Variants in CPVL observed in about 807,000 individuals in gnomAD.
The protein encoded by CPVL is probable serine carboxypeptidase CPVL.
A neutral mutation model predicts 63.7 loss-of-function variants in CPVL; 51 were observed. That is an observed-to-expected ratio of 0.80 (90% CI 0.64 to 1.01). The LOEUF (loss-of-function observed/expected upper bound fraction) is 1.01, where lower values mean the gene tolerates loss of function less well. CPVL is among the 50% of genes least tolerant of loss of function. The pLI is 0.00. For missense variants in CPVL, 530 were observed against 573.1 expected (o/e 0.92, Z 0.77); for synonymous variants, 195 against 206.0 (o/e 0.95, Z 0.46).
chr7:29,143,869 T>C (rs1399092564), intron 1 of CPVL, among the ~76,000 whole-genome samples: 1 of 152,204 alleles, frequency 6.6e-6, no homozygotes, highest in Non-Finnish European at 1.5e-5. Context: ...TGAAAGCATG[T>C]GATTTCATGT....
At chr7:29,017,050 TA>T (rs912575673) in intron 12 of CPVL, among the ~76,000 whole-genome samples, 18 of 152,168 alleles carry the variant, frequency 1.2e-4, no homozygotes, top group African/African-American at 3.6e-4. Context: ...CCCCACTGCT[TA>T]AACAATGGAA....
chr7:29,088,900 G>C (rs1200579703), intron 6 of CPVL, among the ~76,000 whole-genome samples: 1 of 152,080 alleles, frequency 6.6e-6, no homozygotes, highest in African/African-American at 2.4e-5. Flanking sequence ...GCTTGAACCT[G>C]GGAGGCAGAG....
rs553168492 is a variant in CPVL, at chr7:29,128,851, T to C, written c.-10-7780A>G. ...TCTGAGACTGAGAGGGAGCCAGCCT[T>C]GAGGAAACAGTACAAAAGCCCTGCA... On this transcript the variant is annotated intron_variant, in intron 1 of 12. Coordinates refer to ENST00000265394, the MANE Select transcript of CPVL (RefSeq NM_031311.5). Among the ~76,000 whole-genome samples, 9 of 152,034 alleles carry C rather than the reference T, an allele frequency of 5.9e-5. No homozygotes were observed. The South Asian group carries it at 1.7e-3, about 28-fold the overall frequency.
intron 5 of CPVL, among the ~76,000 whole-genome samples, chr7:29,176,595 C>G (rs1223328815): frequency 6.6e-6 from 1 of 152,014 alleles, no homozygotes; most frequent in South Asian, 2.1e-4. Context: ...TACTAAGACA[C>G]CCTTACAAAG....
At chr7:29,175,870 G>A (rs1797250403) in intron 5 of CPVL, among the ~76,000 whole-genome samples, 1 of 152,120 alleles carries the variant, frequency 6.6e-6, no homozygotes, top group African/African-American at 2.4e-5. Context: ...TATTCAAAGA[G>A]ATCATGACTA....
intron 11 of CPVL, among the ~76,000 whole-genome samples, chr7:29,061,701 C>T (rs1375029620): frequency 1.3e-5 from 2 of 152,074 alleles, no homozygotes; most frequent in Non-Finnish European, 2.9e-5. Flanking sequence ...AATCCTAGCA[C>T]TTTGGGAGGC....
At chr7:29,110,379 G>C (rs1522921) in intron 3 of CPVL, among the ~76,000 whole-genome samples, 74,792 of 151,972 alleles carry the variant, frequency 0.49, 18,581 homozygotes, top group East Asian at 0.67. Flanking sequence ...ACCTCTGTCT[G>C]GGTTTGGCTG....
intron 11 of CPVL, among the ~76,000 whole-genome samples, chr7:29,052,209 G>A (rs879563450): frequency 2.0e-5 from 3 of 150,992 alleles, no homozygotes; most frequent in Non-Finnish European, 2.9e-5. Context: ...TTGGGTGATG[G>A]GTGCACCAAA....
At chr7:29,158,738 CT>C (rs1468152821) in intron 5 of CPVL, among the ~76,000 whole-genome samples, 3 of 152,088 alleles carry the variant, frequency 2.0e-5, no homozygotes, top group African/African-American at 7.2e-5. Flanking sequence ...TTTGCTTGTT[CT>C]TTTTGGACTG....
At position 29,091,316 on chromosome 7, in the gene CPVL, G is replaced by A. The variant is rs1046882051; in HGVS notation, c.542+1307C>T. On this transcript the variant is annotated intron_variant, in intron 6 of 12. Coordinates refer to ENST00000265394, the MANE Select transcript of CPVL (RefSeq NM_031311.5). ...TGATGCTCTGTCTTAGAGGGGGCCC[G>A]ATGCATCTCTTCAATACAGAACCTC... 9.2e-5 allele frequency among the ~76,000 whole-genome samples: 14 copies of A among 151,804 alleles called. No individual in the cohort carries two copies. In the East Asian group the frequency reaches 1.6e-3, roughly 17 times the overall value.
intron 6 of CPVL, among the ~76,000 whole-genome samples, chr7:29,091,871 C>T (rs1297686639): frequency 1.3e-5 from 2 of 152,150 alleles, no homozygotes; most frequent in East Asian, 1.9e-4. Flanking sequence ...GATGCACTTT[C>T]GCTTTGAGGA....
chr7:29,095,809 A>T (rs986384131), intron 4 of CPVL, among the ~76,000 whole-genome samples: 3 of 152,322 alleles, frequency 2.0e-5, no homozygotes, highest in African/African-American at 7.2e-5. Flanking sequence ...AGCTGTCCCA[A>T]ATAGTAATAA....
At chr7:29,071,353 T>C (rs318118) in intron 9 of CPVL, among the ~76,000 whole-genome samples, 1,548 of 152,344 alleles carry the variant, frequency 0.01, 37 homozygotes, top group African/African-American at 0.036. Flanking sequence ...ACTGTGGTCA[T>C]TTCTCCCAGC....
chr7:29,093,763 T>C (rs1289883563), intron 5 of CPVL, among the ~76,000 whole-genome samples: 1 of 152,224 alleles, frequency 6.6e-6, no homozygotes, highest in Non-Finnish European at 1.5e-5. Flanking sequence ...ATTCATCTTT[T>C]ACTTAAATAC....
chr7:29,027,119 C>T (rs1252244137), intron 12 of CPVL, among the ~76,000 whole-genome samples: 3 of 152,086 alleles, frequency 2.0e-5, no homozygotes, highest in Non-Finnish European at 4.4e-5. Context: ...TCCAACAACA[C>T]ATCAAAAAGA....
At chr7:29,092,284 G>A (rs1187041560) in intron 6 of CPVL, among the ~76,000 whole-genome samples, 2 of 149,734 alleles carry the variant, frequency 1.3e-5, no homozygotes. Flanking sequence ...TGAAATAGAA[G>A]CAAAAAGTAA....
chr7:29,124,770 T>C (rs139158647), intron 1 of CPVL, among the ~76,000 whole-genome samples: 1 of 152,132 alleles, frequency 6.6e-6, no homozygotes, highest in African/African-American at 2.4e-5. Context: ...ATATGGTTTT[T>C]TTCCTTATTT....
chr7:29,108,628 CATA>C (rs1381756014), intron 3 of CPVL, among the ~76,000 whole-genome samples: 1 of 152,134 alleles, frequency 6.6e-6, no homozygotes, highest in Non-Finnish European at 1.5e-5. Context: ...TAATCGTAAT[CATA>C]ATGAAATAAT....
chr7:29,054,672 CA>C (rs1790527766), intron 11 of CPVL, among the ~76,000 whole-genome samples: 1 of 152,148 alleles, frequency 6.6e-6, no homozygotes, highest in Non-Finnish European at 1.5e-5. Flanking sequence ...TCAGATATGG[CA>C]AATTTTCAGC....
Sources: allele counts gnomAD v4.1 joint callset (sites outside exome capture counted in the v4.1 genomes callset), GRCh38; gene constraint gnomAD v4.1.1; transcripts MANE v1.5; gene names NCBI Gene and HGNC (gene_info 2026-07-23, HGNC 2026-07-21).